Variants in TTL observed in about 807,000 individuals in gnomAD.
TTL encodes the protein tubulin tyrosine ligase.
TTL carries 10 observed loss-of-function variants against 41.1 expected under a neutral mutation model. The observed-to-expected ratio is 0.24, with a 90% CI of 0.15 to 0.41. TTL has a LOEUF of 0.41. TTL is among the 10% of genes least tolerant of loss of function. The pLI is 1.00. For synonymous variants in TTL, 175 were observed against 175.5 expected, an observed-to-expected ratio of 1.00 and a Z score of 0.02; for missense variants, 367 against 460.4, an observed-to-expected ratio of 0.80 and a Z score of 1.86.
intron 6 of TTL, among the ~76,000 whole-genome samples, chr2:112,523,337 G>GGT (rs1298723408): frequency 4.3e-5 from 4 of 93,350 alleles, no homozygotes; most frequent in Admixed American, 1.3e-4. Context: ...ACTGTCTGTG[G>GGT]GTGTGTGTGT....
chr2:112,486,338 C>A (rs1380322709), intron 2 of TTL, among the ~76,000 whole-genome samples: 1 of 152,188 alleles, frequency 6.6e-6, no homozygotes, highest in African/African-American at 2.4e-5. Context: ...TCTTGCCTCT[C>A]CTGACTCCAA....
At chr2:112,503,403 G>GTGTGTATA (rs376486813) in intron 5 of TTL, among the ~76,000 whole-genome samples, 2 of 143,442 alleles carry the variant, frequency 1.4e-5, no homozygotes, top group African/African-American at 2.5e-5. Context: ...GTGTGTGTGT[G>GTGTGTATA]TATATATATA....
At chr2:112,495,345 A>G (rs1357454825) in intron 3 of TTL, among the ~76,000 whole-genome samples, 2 of 152,160 alleles carry the variant, frequency 1.3e-5, no homozygotes, top group Admixed American at 6.5e-5. Context: ...CATCTCTCCT[A>G]TTATTCTGTA....
At chr2:112,520,965 G>A (rs1160275502) in intron 6 of TTL, among the ~76,000 whole-genome samples, 4 of 152,076 alleles carry the variant, frequency 2.6e-5, no homozygotes, top group Admixed American at 2.0e-4. Context: ...GGTGGGAGAT[G>A]CCATGAGAGT....
chr2:112,526,616 G>A (rs1410214324), intron 6 of TTL, among the ~76,000 whole-genome samples: 1 of 152,224 alleles, frequency 6.6e-6, no homozygotes, highest in Non-Finnish European at 1.5e-5. Context: ...TTGTCTTTCT[G>A]TGGGATCAGT....
chr2:112,522,912 G>A (rs1428760607), intron 6 of TTL, among the ~76,000 whole-genome samples: 1 of 152,150 alleles, frequency 6.6e-6, no homozygotes, highest in Non-Finnish European at 1.5e-5. Flanking sequence ...TTCTAACTGG[G>A]GTGCACTTCT....
At chr2:112,486,508 A>G (rs1681242939) in intron 2 of TTL, among the ~76,000 whole-genome samples, 1 of 152,218 alleles carries the variant, frequency 6.6e-6, no homozygotes, top group East Asian at 1.9e-4. Flanking sequence ...AAGGGCATAT[A>G]TAGCCCGTAG....
At chr2:112,518,895 G>A (rs1391478972) in intron 5 of TTL, among the ~76,000 whole-genome samples, 1 of 151,948 alleles carries the variant, frequency 6.6e-6, no homozygotes, top group Non-Finnish European at 1.5e-5. Context: ...GGCTGCTCTC[G>A]AACTCCTGAC....
rs1206756985 is a variant in TTL, at chr2:112,482,402, C to T, written c.58C>T (p.Leu20=). 1 of 1,603,272 alleles carries T rather than the reference C, an allele frequency of 6.2e-7. No homozygotes were observed. Among genetic ancestry groups the T allele is most frequent in the Admixed American group, 1.7e-5 (1 of 58,126 alleles). Residue 20 remains leucine, a synonymous_variant, in exon 1 of 7, where the codon CTG becomes TTG. Coordinates refer to ENST00000233336, the MANE Select transcript of TTL (RefSeq NM_153712.5). The surrounding 1 kb of genome is among the most constrained non-coding windows in gnomAD (Gnocchi z 5.3). ...CAGCGTCTACGCCGAGGTCTCCCGG[C>T]TGCTCCTCGCCACCGGCCACTGGAA... ...NSSVYAEVSR[L]LLATGHWKRL... is the part of the protein sequence containing the mutation.
At chr2:112,495,909 T>C (rs1262924188) in intron 3 of TTL, among the ~76,000 whole-genome samples, 1 of 152,198 alleles carries the variant, frequency 6.6e-6, no homozygotes, top group Non-Finnish European at 1.5e-5. Context: ...ATCTAGCCAT[T>C]GGTACTCATT....
rs1376620077 is a variant in TTL, at chr2:112,485,953, A to G, written c.194A>G (p.Tyr65Cys). ...GGGCTGGTACAGTTGGTGAATTACT[A>G]CAGGGGTGCTGACAAACTGTGTCGC... is the stretch of plus-strand genomic sequence containing the variant. ...EPGLVQLVNY[Y>C]RGADKLCRKA... The change falls in exon 2 of 7, where the codon TAC (tyrosine) becomes TGC (cysteine). Residue 65 changes from tyrosine (Y) to cysteine (C), a missense_variant. Transcript: ENST00000233336. 6.2e-7 allele frequency: 1 copy of G among 1,614,124 alleles called. No individual in the cohort carries two copies.
rs1265673040 is a variant in TTL, at chr2:112,536,600, C to T, written c.*7805C>T. ...CATACACAGGTTTGTTACATGGGTC[C>T]TGAGGTTGGGGTACAGATCCCATTA... is the stretch of plus-strand genomic sequence containing the variant. On this transcript the variant is annotated 3_prime_UTR_variant, in exon 7 of 7. Transcript: ENST00000233336. The T allele has an allele frequency of 6.6e-6, 1 of 152,026 alleles. No homozygotes were observed. Among genetic ancestry groups the T allele is most frequent in the African/African-American group, 2.4e-5 (1 of 41,374 alleles). The allele number at this position is 152,026 out of a possible 1,614,324, so 9.4% of individuals were successfully genotyped here. A position where few individuals can be genotyped will look rare whatever the true frequency, so the allele number is the denominator to read the frequency against.
At position 112,538,276 on chromosome 2, in the gene TTL, T is replaced by C. The variant is rs1325004441; in HGVS notation, c.*9481T>C. 2.0e-5 allele frequency: 3 copies of C among 152,138 alleles called. No individual in the cohort carries two copies. The highest frequency in any genetic ancestry group is 4.4e-5 in the Non-Finnish European group (3 of 68,024). The allele number at this position is 152,138 out of a possible 1,614,324, so 9.4% of individuals were successfully genotyped here. On this transcript the variant is annotated 3_prime_UTR_variant, in exon 7 of 7. Coordinates refer to ENST00000233336, the MANE Select transcript of TTL (RefSeq NM_153712.5). ...AGTGTCCTCAACTTTATGAGGTCACTCTTAATACCCTGATACCAAAACCAG... is the reference window on the plus strand; with the variant it reads ...AGTGTCCTCAACTTTATGAGGTCACCCTTAATACCCTGATACCAAAACCAG...
At chr2:112,500,588 CAAAG>C (rs1237837470) in intron 3 of TTL, among the ~76,000 whole-genome samples, 15 of 152,272 alleles carry the variant, frequency 9.9e-5, no homozygotes, top group Non-Finnish European at 1.6e-4. Flanking sequence ...AACAAACAAA[CAAAG>C]AAATAACAAC....
chr2:112,489,612 ATTTCT>A (rs1681328414), intron 2 of TTL, among the ~76,000 whole-genome samples: 1 of 152,194 alleles, frequency 6.6e-6, no homozygotes, highest in Non-Finnish European at 1.5e-5. Context: ...TGTTCCTCAG[ATTTCT>A]TTTAGTTTTT....
At chr2:112,501,056 G>T (rs1206824672) in intron 3 of TTL, 150 bp from the exon 4 acceptor site, 1 of 616,378 alleles carries the variant, frequency 1.6e-6, no homozygotes, top group African/African-American at 2.0e-5. Flanking sequence ...GGGAGCATGT[G>T]GGGGACTGGA....
rs148132954 is a variant in TTL, at chr2:112,489,241, T to C, written c.236+3246T>C. Among the ~76,000 whole-genome samples the C allele has an allele frequency of 2.6e-5, 4 of 152,356 alleles. No individual in the cohort carries two copies. In the East Asian group the frequency reaches 7.7e-4, roughly 29 times the overall value. On this transcript the variant is annotated intron_variant, in intron 2 of 6. Transcript: ENST00000233336. ...CAAAATCTAATGTGAATTTTACATA[T>C]GTAGCACATCTTAATTCAAACAGTA...
chr2:112,485,483 C>CTCCT (rs1681216978), intron 1 of TTL, among the ~76,000 whole-genome samples: 1 of 152,186 alleles, frequency 6.6e-6, no homozygotes, highest in African/African-American at 2.4e-5. Context: ...CATTCTAGTT[C>CTCCT]TCCTTCCTTC....
intron 6 of TTL, among the ~76,000 whole-genome samples, chr2:112,523,014 T>G (rs1466384689): frequency 6.6e-6 from 1 of 152,168 alleles, no homozygotes; most frequent in Non-Finnish European, 1.5e-5. Context: ...CCATTGCACC[T>G]AGGACACAAA....
Sources: allele counts gnomAD v4.1 joint callset (sites outside exome capture counted in the v4.1 genomes callset), GRCh38; gene constraint gnomAD v4.1.1; non-coding constraint Gnocchi (gnomAD v3.1); transcripts MANE v1.5; gene names NCBI Gene and HGNC (gene_info 2026-07-23, HGNC 2026-07-21).